The following TAFA1 variants were observed in gnomAD, a reference collection of about 807,000 sequenced individuals.
The protein encoded by TAFA1 is chemokine-like protein TAFA-1.
Under a neutral mutation model 18.5 loss-of-function variants are expected in TAFA1, and 4 were observed. The ratio of observed to expected loss-of-function variants is 0.22; its 90% CI spans 0.11 to 0.49. The LOEUF is 0.49. TAFA1 is among the 20% of genes least tolerant of loss of function. TAFA1 has a pLI of 0.98. For missense variants in TAFA1, 147 were observed against 169.0 expected (o/e 0.87, Z 0.72); for synonymous variants, 56 against 55.2 (o/e 1.01, Z -0.06).
intron 2 of TAFA1, among the ~76,000 whole-genome samples, chr3:68,230,140 A>G (rs1040597629): frequency 1.3e-5 from 2 of 152,094 alleles, no homozygotes; most frequent in East Asian, 3.9e-4. Flanking sequence ...CTAGTCTTCT[A>G]GTTATTTTTA....
intron 2 of TAFA1, among the ~76,000 whole-genome samples, chr3:68,156,055 C>T (rs1230170123): frequency 6.6e-6 from 1 of 151,992 alleles, no homozygotes; most frequent in African/African-American, 2.4e-5. Flanking sequence ...CTGTATTTGG[C>T]CCAAGGGTAC....
chr3:68,418,008 C>A (rs1445897385), intron 3 of TAFA1, among the ~76,000 whole-genome samples: 2 of 152,110 alleles, frequency 1.3e-5, no homozygotes, highest in Non-Finnish European at 2.9e-5. Context: ...TCTCACCAGG[C>A]CCCTGTTCCA....
At chr3:68,092,937 A>G (rs2065045683) in intron 2 of TAFA1, among the ~76,000 whole-genome samples, 1 of 152,238 alleles carries the variant, frequency 6.6e-6, no homozygotes, top group South Asian at 2.1e-4. Context: ...GGAAAAACTT[A>G]ATTTTAAGTA....
At chr3:68,028,814 A>G (rs1704872816) in intron 2 of TAFA1, among the ~76,000 whole-genome samples, 1 of 151,572 alleles carries the variant, frequency 6.6e-6, no homozygotes, top group African/African-American at 2.4e-5. Context: ...ATGCAGTGAC[A>G]CAATCATGTC....
In TAFA1 at chr3:68,259,262, CTCT is replaced by C. The variant is rs1252710089; in HGVS notation, c.119-158016_119-158014del. Among the ~76,000 whole-genome samples, 32 of 152,272 alleles carry C rather than the reference CTCT, an allele frequency of 2.1e-4. 1 individual carries two copies. Among genetic ancestry groups the C allele is most frequent in the South Asian group, 1.7e-3 (8 of 4,822 alleles). On this transcript the variant is annotated intron_variant, in intron 2 of 4. Coordinates refer to ENST00000478136, the MANE Select transcript of TAFA1 (RefSeq NM_213609.4). Reference sequence around the variant, plus strand: ...GCTTTACTTTCCTTTTCAATTTAACCTCTTTAGTTCAACAATGTAACACTTGTG... The same window carrying C: ...GCTTTACTTTCCTTTTCAATTTAACCTTAGTTCAACAATGTAACACTTGTG...
chr3:68,290,937 T>C (rs1159475902), intron 2 of TAFA1, among the ~76,000 whole-genome samples: 1 of 152,136 alleles, frequency 6.6e-6, no homozygotes, highest in Non-Finnish European at 1.5e-5. Context: ...GATCTAACTT[T>C]CTATTTAATA....
At chr3:68,227,538 G>A (rs183696414) in intron 2 of TAFA1, among the ~76,000 whole-genome samples, 3 of 152,252 alleles carry the variant, frequency 2.0e-5, no homozygotes, top group Admixed American at 2.0e-4. Context: ...AACTCAAAAT[G>A]ACACTTTCCA....
At chr3:68,393,170 G>A (rs1265713846) in intron 2 of TAFA1, among the ~76,000 whole-genome samples, 1 of 151,652 alleles carries the variant, frequency 6.6e-6, no homozygotes, top group Non-Finnish European at 1.5e-5. Context: ...AAGATAAAGG[G>A]AATATCACCA....
chr3:68,244,983 G>A (rs2067047938), intron 2 of TAFA1, among the ~76,000 whole-genome samples: 1 of 152,154 alleles, frequency 6.6e-6, no homozygotes, highest in South Asian at 2.1e-4. Flanking sequence ...GTAATAAAAT[G>A]TTTTCTTACC....
chr3:68,080,119 G>C (rs2064877777), intron 2 of TAFA1, among the ~76,000 whole-genome samples: 1 of 152,098 alleles, frequency 6.6e-6, no homozygotes, highest in Non-Finnish European at 1.5e-5. Flanking sequence ...TGTTTTACCA[G>C]AGACTAGGAT....
chr3:68,344,521 G>C (rs2069134639), intron 2 of TAFA1, among the ~76,000 whole-genome samples: 1 of 152,172 alleles, frequency 6.6e-6, no homozygotes, highest in South Asian at 2.1e-4. Context: ...GCTTGGGTGT[G>C]AAATGCTGTT....
chr3:68,417,513 G>A (rs1433206066), intron 3 of TAFA1, 93 bp downstream of exon 3: 1 of 1,208,254 alleles, frequency 8.3e-7, no homozygotes, highest in East Asian at 2.5e-5. Context: ...TCCAGATAAT[G>A]AACAAGGTGC....
chr3:68,531,006 T>C (rs1292707989), intron 3 of TAFA1, among the ~76,000 whole-genome samples: 1 of 121,494 alleles, frequency 8.2e-6, no homozygotes, highest in Non-Finnish European at 1.8e-5. Flanking sequence ...ATTATAATGA[T>C]TAACAACAAC....
intron 3 of TAFA1, among the ~76,000 whole-genome samples, chr3:68,443,168 C>T (rs73111023): frequency 0.12 from 18,612 of 152,064 alleles, 1,554 homozygotes; most frequent in East Asian, 0.34. Context: ...AGGGGTTCCA[C>T]CTTGTTGCAA....
At chr3:68,183,505 A>G (rs1003462922) in intron 2 of TAFA1, among the ~76,000 whole-genome samples, 1 of 152,158 alleles carries the variant, frequency 6.6e-6, no homozygotes, top group Non-Finnish European at 1.5e-5. Flanking sequence ...TTTTGATGCA[A>G]TAAAGACTTT....
intron 2 of TAFA1, among the ~76,000 whole-genome samples, chr3:68,246,564 T>TGGGC (rs1575703847): frequency 9.0e-6 from 1 of 111,420 alleles, no homozygotes; most frequent in East Asian, 2.7e-4. Flanking sequence ...CACTCCAGCC[T>TGGGC]GGGCGACAGA....
chr3:68,127,607 T>A (rs76363717), intron 2 of TAFA1, among the ~76,000 whole-genome samples: 104 of 170 alleles, frequency 0.61, 29 homozygotes, highest in East Asian at 0.67. Flanking sequence ...ATGATAGTGG[T>A]GGTGGTGGTG....
At chr3:68,460,842 G>C (rs942217842) in intron 3 of TAFA1, among the ~76,000 whole-genome samples, 2 of 152,024 alleles carry the variant, frequency 1.3e-5, no homozygotes, top group African/African-American at 4.8e-5. Context: ...TCACACATAG[G>C]GAACCCCATT....
intron 3 of TAFA1, among the ~76,000 whole-genome samples, chr3:68,479,701 T>C (rs1432900121): frequency 6.6e-6 from 1 of 152,146 alleles, no homozygotes. Context: ...ATTTCCAACA[T>C]TTTTCACACT....
Sources: gnomAD v4.1 joint callset for allele counts (sites outside exome capture counted in the v4.1 genomes callset) on GRCh38, gnomAD v4.1.1 for gene constraint, MANE v1.5 for transcripts, NCBI Gene and HGNC (gene_info 2026-07-23, HGNC 2026-07-21) for gene names.